Variants in RNF180 observed in about 807,000 individuals in gnomAD.
RNF180 encodes E3 ubiquitin-protein ligase RNF180.
In RNF180, 38 loss-of-function variants were observed where a neutral mutation model predicts 59.2. The ratio of observed to expected loss-of-function variants is 0.64; its 90% CI spans 0.50 to 0.84. RNF180 has a LOEUF of 0.84. Ranked by LOEUF, RNF180 falls within the 40% of genes least tolerant of loss-of-function variation. The probability of loss-of-function intolerance (pLI) is 0.00; values close to 1 mark genes in which losing one functional copy is unlikely to be tolerated. For missense variants in RNF180, 705 were observed against 700.9 expected (o/e 1.01, Z -0.07); for synonymous variants, 262 against 240.3 (o/e 1.09, Z -0.84).
chr5:64,168,840 T>G (rs1353779526), intron 1 of RNF180, among the ~76,000 whole-genome samples: 2 of 152,104 alleles, frequency 1.3e-5, no homozygotes, highest in Non-Finnish European at 2.9e-5. Flanking sequence ...TTTCGACAAA[T>G]TTAGTTTAAA....
chr5:64,168,134 C>T (rs1189190737), intron 1 of RNF180, among the ~76,000 whole-genome samples: 1 of 152,118 alleles, frequency 6.6e-6, no homozygotes, highest in Non-Finnish European at 1.5e-5. Context: ...AATTTACAAG[C>T]AAAATAAAAA....
chr5:64,207,250 G>T (rs1322351099), intron 2 of RNF180, among the ~76,000 whole-genome samples: 1 of 152,060 alleles, frequency 6.6e-6, no homozygotes, highest in Non-Finnish European at 1.5e-5. Context: ...TGGCAAAAAG[G>T]AAAAGTATAG....
intron 4 of RNF180, among the ~76,000 whole-genome samples, chr5:64,215,282 A>G (rs1752557608): frequency 6.6e-6 from 1 of 152,142 alleles, no homozygotes; most frequent in South Asian, 2.1e-4. Context: ...TGACTTTATT[A>G]TCTACTTATT....
intron 5 of RNF180, among the ~76,000 whole-genome samples, chr5:64,280,626 C>T (rs748355971): frequency 5.9e-5 from 9 of 151,516 alleles, no homozygotes; most frequent in Non-Finnish European, 1.2e-4. Flanking sequence ...AGGTGTGCAG[C>T]TTTTTTCTGG....
intron 5 of RNF180, among the ~76,000 whole-genome samples, chr5:64,295,618 C>T (rs1201003749): frequency 6.6e-6 from 1 of 152,172 alleles, no homozygotes; most frequent in Non-Finnish European, 1.5e-5. Context: ...TTTACCCACC[C>T]CTGTGCTTCC....
At chr5:64,222,438 G>T (rs1291226612) in intron 5 of RNF180, among the ~76,000 whole-genome samples, 3 of 152,210 alleles carry the variant, frequency 2.0e-5, no homozygotes, top group South Asian at 2.1e-4. Context: ...AAAGGGAGGG[G>T]GTACATGGGG....
chr5:64,346,884 G>A (rs1745580763), intron 7 of RNF180, among the ~76,000 whole-genome samples: 1 of 152,148 alleles, frequency 6.6e-6, no homozygotes, highest in Non-Finnish European at 1.5e-5. Flanking sequence ...TAGAATTGTG[G>A]ACTCAGAATG....
At chr5:64,287,768 C>G (rs893938701) in intron 5 of RNF180, among the ~76,000 whole-genome samples, 2 of 151,876 alleles carry the variant, frequency 1.3e-5, no homozygotes, top group African/African-American at 2.4e-5. Flanking sequence ...TTTGATGGTA[C>G]TATTTTTTTC....
intron 5 of RNF180, among the ~76,000 whole-genome samples, chr5:64,255,976 C>T (rs1580122617): frequency 6.6e-6 from 1 of 152,010 alleles, no homozygotes; most frequent in African/African-American, 2.4e-5. Context: ...TTTCATGTGT[C>T]TTTTGGCTGC....
intron 5 of RNF180, among the ~76,000 whole-genome samples, chr5:64,244,053 A>G (rs559894313): frequency 1.2e-4 from 18 of 152,306 alleles, no homozygotes; most frequent in Admixed American, 1.0e-3. Context: ...CAACATCAAC[A>G]AAAAGGACGT....
At chr5:64,244,967 G>C (rs578031159) in intron 5 of RNF180, among the ~76,000 whole-genome samples, 5 of 152,162 alleles carry the variant, frequency 3.3e-5, no homozygotes, top group Non-Finnish European at 7.4e-5. Flanking sequence ...TTTCAACACA[G>C]AATTTCATAT....
Position 64,214,593 on chromosome 5 carries a change from A to G in RNF180, c.1191+76A>G. The G allele has an allele frequency of 4.6e-6, 6 of 1,298,298 alleles. No homozygotes were observed. In the South Asian group the frequency reaches 8.7e-5, roughly 19 times the overall value. The allele number at this position is 1,298,298 out of a possible 1,614,324, so 80.4% of individuals were successfully genotyped here. ...GTTTGGGGAGTGGAGCTAACTTTCA[A>G]CATCTGTATAATAAAAACTTGGTTT... On this transcript the variant is annotated intron_variant, in intron 4 of 7. Coordinates refer to ENST00000389100, the MANE Select transcript of RNF180 (RefSeq NM_001113561.2).
At chr5:64,307,717 C>G (rs1743548409) in intron 5 of RNF180, among the ~76,000 whole-genome samples, 1 of 151,756 alleles carries the variant, frequency 6.6e-6, no homozygotes, top group African/African-American at 2.4e-5. Flanking sequence ...GCAAAATCAT[C>G]TAACATAAAG....
intron 5 of RNF180, among the ~76,000 whole-genome samples, chr5:64,234,578 CTTTTTTTTTTTTTTTTTTTTTTTTTTTT>C (rs1171637074): frequency 6.2e-5 from 3 of 48,500 alleles, no homozygotes; most frequent in African/African-American, 1.6e-4. Context: ...GTTACCCGTT[CTTTTTTTTTTTTTTTTTTTTTTTTTTTT>C]TTTTTTTTTT....
chr5:64,304,972 C>A (rs1743353179), intron 5 of RNF180, among the ~76,000 whole-genome samples: 1 of 151,518 alleles, frequency 6.6e-6, no homozygotes, highest in Non-Finnish European at 1.5e-5. Context: ...AAGACAAGAC[C>A]CTTCACCTCC....
chr5:64,206,601 A>G (rs565688787), intron 2 of RNF180, among the ~76,000 whole-genome samples: 6 of 152,316 alleles, frequency 3.9e-5, no homozygotes, highest in African/African-American at 1.2e-4. Flanking sequence ...TATTTGTTCC[A>G]TACTAGTCTT....
At chr5:64,244,953 G>T (rs764423135) in intron 5 of RNF180, among the ~76,000 whole-genome samples, 1 of 152,168 alleles carries the variant, frequency 6.6e-6, no homozygotes, top group African/African-American at 2.4e-5. Flanking sequence ...TTAAAGAAAA[G>T]AATTTTCAAC....
intron 7 of RNF180, among the ~76,000 whole-genome samples, chr5:64,353,195 T>A (rs1745884447): frequency 6.6e-6 from 1 of 151,854 alleles, no homozygotes; most frequent in Admixed American, 6.6e-5. Flanking sequence ...TAGTTTATTC[T>A]GTATTCCATA....
chr5:64,264,258 G>C (rs1744526801), intron 5 of RNF180, among the ~76,000 whole-genome samples: 1 of 152,068 alleles, frequency 6.6e-6, no homozygotes, highest in Non-Finnish European at 1.5e-5. Context: ...TACATGCGCA[G>C]AATGTGCAAG....
Sources: allele counts gnomAD v4.1 joint callset (sites outside exome capture counted in the v4.1 genomes callset), GRCh38; gene constraint gnomAD v4.1.1; transcripts MANE v1.5; gene names NCBI Gene and HGNC (gene_info 2026-07-23, HGNC 2026-07-21).